The following PVT1 variants were observed in gnomAD, a reference collection of about 807,000 sequenced individuals.
PVT1 encodes CXCR4/PVT1 fusion.
chr8:127,882,110 G>A (rs534559457), intron 2 of PVT1, among the ~76,000 whole-genome samples: 1 of 152,282 alleles, frequency 6.6e-6, no homozygotes, highest in African/African-American at 2.4e-5. Context: ...AAGGCCACAC[G>A]GTTGTGACCA....
At chr8:128,086,813 T>C (rs1814263761) in intron 5 of PVT1, among the ~76,000 whole-genome samples, 1 of 152,214 alleles carries the variant, frequency 6.6e-6, no homozygotes. Flanking sequence ...GGCTCCAGCA[T>C]ATTGTCCCTT....
intron 3 of PVT1, among the ~76,000 whole-genome samples, chr8:127,963,565 C>T (rs1403071419): frequency 6.6e-6 from 1 of 152,004 alleles, no homozygotes; most frequent in Non-Finnish European, 1.5e-5. Context: ...AAAGGCAGCA[C>T]CCCCCACCCC....
intron 2 of PVT1, among the ~76,000 whole-genome samples, chr8:127,844,698 T>G (rs1362632803): frequency 1.3e-5 from 2 of 150,604 alleles, no homozygotes; most frequent in Admixed American, 6.6e-5. Context: ...GTGTGTTTTT[T>G]TTTTGTTTTG....
At chr8:127,862,330 C>A (rs1279907245) in intron 2 of PVT1, among the ~76,000 whole-genome samples, 1 of 151,992 alleles carries the variant, frequency 6.6e-6, no homozygotes, top group East Asian at 1.9e-4. Context: ...ATTGCTTGAA[C>A]CCAGGAGGCA....
intron 3 of PVT1, among the ~76,000 whole-genome samples, chr8:127,977,835 A>C (rs1816838374): frequency 1.3e-5 from 2 of 152,220 alleles, no homozygotes; most frequent in Non-Finnish European, 2.9e-5. Context: ...CTATAGGATT[A>C]AGTCTGTAAA....
chr8:128,059,628 A>G (rs566380742), intron 4 of PVT1, among the ~76,000 whole-genome samples: 13 of 152,366 alleles, frequency 8.5e-5, no homozygotes, highest in African/African-American at 2.6e-4. Flanking sequence ...GACGAGGGGC[A>G]GTAAGGCCAG....
chr8:127,971,378 C>T (rs1816762926), intron 3 of PVT1, among the ~76,000 whole-genome samples: 1 of 152,236 alleles, frequency 6.6e-6, no homozygotes, highest in African/African-American at 2.4e-5. Flanking sequence ...TCCAGGCCCA[C>T]ACTGCTTAGA....
intron 2 of PVT1, among the ~76,000 whole-genome samples, chr8:127,883,546 C>T (rs1203674061): frequency 2.6e-5 from 4 of 151,824 alleles, no homozygotes; most frequent in African/African-American, 7.3e-5. Context: ...GGGTGTAGCA[C>T]ACAAGCATGG....
At chr8:127,936,034 CTTTTTTTTTTTTTT>C (rs937905808) in intron 3 of PVT1, among the ~76,000 whole-genome samples, 1 of 101,270 alleles carries the variant, frequency 9.9e-6, no homozygotes, top group African/African-American at 4.2e-5. Flanking sequence ...CTCTCTCTCT[CTTTTTTTTTTTTTT>C]TTTTTTTTTT....
At chr8:127,832,144 C>T (rs1243859219) in intron 2 of PVT1, among the ~76,000 whole-genome samples, 4 of 152,084 alleles carry the variant, frequency 2.6e-5, no homozygotes, top group Non-Finnish European at 5.9e-5. Context: ...GGCACCCCTC[C>T]TCCACCCCCA....
At chr8:127,962,255 G>A (rs147502963) in intron 3 of PVT1, among the ~76,000 whole-genome samples, 108 of 152,180 alleles carry the variant, frequency 7.1e-4, no homozygotes, top group African/African-American at 2.3e-3. Flanking sequence ...GTGAGCCACC[G>A]CTCCCGGCCA....
chr8:127,868,463 C>T (rs1251638210), intron 2 of PVT1, among the ~76,000 whole-genome samples: 4 of 152,002 alleles, frequency 2.6e-5, no homozygotes, highest in African/African-American at 9.7e-5. Flanking sequence ...ACTTGGCTCA[C>T]TACAACCCCG....
At chr8:128,029,841 G>A (rs539041004) in intron 4 of PVT1, among the ~76,000 whole-genome samples, 136 of 152,254 alleles carry the variant, frequency 8.9e-4, no homozygotes, top group Non-Finnish European at 1.5e-3. Flanking sequence ...GGGTGCTGTG[G>A]CTTGCGCCTC....
intron 4 of PVT1, among the ~76,000 whole-genome samples, chr8:128,061,631 C>T (rs1031334314): frequency 1.3e-5 from 2 of 152,202 alleles, no homozygotes; most frequent in African/African-American, 4.8e-5. Flanking sequence ...AGAAGCTGCT[C>T]GTTCTTGGGC....
At chr8:127,853,744 C>T (rs1291163305) in intron 2 of PVT1, among the ~76,000 whole-genome samples, 1 of 151,576 alleles carries the variant, frequency 6.6e-6, no homozygotes, top group Non-Finnish European at 1.5e-5. Context: ...TTGTGCTGCT[C>T]TACTCTAGCC....
chr8:128,083,907 A>G (rs192048725), intron 5 of PVT1, among the ~76,000 whole-genome samples: 49 of 152,304 alleles, frequency 3.2e-4, no homozygotes, highest in Admixed American at 2.6e-4. Flanking sequence ...TTTGAAATAT[A>G]CCTTGTTCAT....
intron 2 of PVT1, among the ~76,000 whole-genome samples, chr8:127,802,789 G>T (rs745408824): frequency 2.6e-5 from 4 of 152,156 alleles, no homozygotes; most frequent in Non-Finnish European, 5.9e-5. Flanking sequence ...GAAGTTTCCA[G>T]TGTGGGAGGG....
intron 4 of PVT1, among the ~76,000 whole-genome samples, chr8:128,035,917 G>C (rs574306377): frequency 6.6e-6 from 1 of 152,232 alleles, no homozygotes; most frequent in African/African-American, 2.4e-5. Flanking sequence ...CCCTGCTGAT[G>C]CCTTGCTTTT....
rs1160388738 is a variant in PVT1, at chr8:127,929,949, T to G, written n.782+38951T>G. Among the ~76,000 whole-genome samples, 4 of 152,324 alleles carry G rather than the reference T, an allele frequency of 2.6e-5. No individual in the cohort carries two copies. In the East Asian group the frequency reaches 7.7e-4, roughly 29 times the overall value. On this transcript the variant is annotated intron_variant and non_coding_transcript_variant, in intron 3 of 10. Coordinates refer to ENST00000651587, the Ensembl canonical transcript of PVT1. ...ACGTATCTGTGTCAGCTTCCTGATCTTCCTATAGAACATGGTCCTAAGGGA... is the reference window on the plus strand; with the variant it reads ...ACGTATCTGTGTCAGCTTCCTGATCGTCCTATAGAACATGGTCCTAAGGGA...
Sources: allele counts gnomAD v4.1 joint callset (sites outside exome capture counted in the v4.1 genomes callset), GRCh38; gene constraint gnomAD v4.1.1; transcripts MANE v1.5; gene names NCBI Gene and HGNC (gene_info 2026-07-23, HGNC 2026-07-21).